The following LCORL variants were observed in gnomAD, a reference collection of about 807,000 sequenced individuals.
LCORL encodes the protein ligand-dependent nuclear receptor corepressor-like protein.
Under a neutral mutation model 141.8 loss-of-function variants are expected in LCORL, and 41 were observed. The ratio of observed to expected loss-of-function variants is 0.29; its 90% CI spans 0.23 to 0.38. LCORL has a LOEUF of 0.38. LCORL is among the 10% of genes least tolerant of loss of function. The pLI is 1.00. For synonymous variants in LCORL, 618 were observed against 694.1 expected (o/e 0.89, Z 1.72); for missense variants, 1,759 against 2,035.0 (o/e 0.86, Z 2.61).
chr4:17,962,704 CT>C (rs1362963292), intron 3 of LCORL, among the ~76,000 whole-genome samples: 3 of 151,694 alleles, frequency 2.0e-5, no homozygotes, highest in Non-Finnish European at 4.4e-5. Flanking sequence ...CTGAACTAAA[CT>C]TAATGAGTCA....
chr4:17,869,563 T>C (rs1482628341), intron 7 of LCORL, among the ~76,000 whole-genome samples: 1 of 152,164 alleles, frequency 6.6e-6, no homozygotes, highest in Non-Finnish European at 1.5e-5. Flanking sequence ...TCTCAACTAC[T>C]GTCATCTGTC....
At chr4:17,922,534 A>T (rs544791325) in intron 4 of LCORL, among the ~76,000 whole-genome samples, 21 of 152,294 alleles carry the variant, frequency 1.4e-4, no homozygotes, top group African/African-American at 5.1e-4. Flanking sequence ...GAACTCAGGG[A>T]TTCTATCTCC....
chr4:17,844,086 T>C (rs1722691398), exon 8 of LCORL: 1 of 151,984 alleles, frequency 6.6e-6, no homozygotes, highest in Admixed American at 6.6e-5. Context: ...CATAAATGTA[T>C]TATTAACCAT....
intron 1 of LCORL, among the ~76,000 whole-genome samples, chr4:18,005,508 C>A (rs1234565040): frequency 6.6e-6 from 1 of 152,244 alleles, no homozygotes; most frequent in Non-Finnish European, 1.5e-5. Context: ...TCCAACCCCA[C>A]ATTTCCCTTG....
At chr4:17,876,645 TACC>T (rs1726954808) in exon 7 of LCORL, 19 of 1,230,850 alleles carry the variant, frequency 1.5e-5, no homozygotes, top group Non-Finnish European at 1.8e-5. Flanking sequence ...ATATACAGAA[TACC>T]ACCCTGGAGG....
chr4:17,880,641 A>T, intron 6 of LCORL: 9 of 983,634 alleles, frequency 9.1e-6, no homozygotes, highest in Non-Finnish European at 1.1e-5. Flanking sequence ...TGAATGAGTA[A>T]ATCAATCACA....
At chr4:18,014,474 C>T (rs1242293788) in intron 1 of LCORL, among the ~76,000 whole-genome samples, 3 of 151,764 alleles carry the variant, frequency 2.0e-5, no homozygotes, top group Non-Finnish European at 4.4e-5. Flanking sequence ...TGTCCTAATG[C>T]TTACTGCATA....
chr4:17,865,268 A>T (rs1345656056), intron 7 of LCORL, among the ~76,000 whole-genome samples: 4 of 152,234 alleles, frequency 2.6e-5, no homozygotes, highest in Non-Finnish European at 5.9e-5. Flanking sequence ...CATCACAAAA[A>T]ATTCAAAAAG....
intron 4 of LCORL, among the ~76,000 whole-genome samples, chr4:17,915,097 C>T (rs1396675219): frequency 6.6e-6 from 1 of 152,080 alleles, no homozygotes; most frequent in Non-Finnish European, 1.5e-5. Context: ...TTCTCTTTCT[C>T]CCCTTCTGTT....
Position 17,895,291 on chromosome 4 carries a change from CCT to C in LCORL, c.683-9132_683-9131del, listed in dbSNP as rs1201175446. On this transcript the variant is annotated intron_variant, in intron 5 of 7. Transcript: ENST00000635767. ...ACCTAACTTTGTACCTGTTGATCAA[CCT>C]CTGTCCATTCCCCTCCCCACACCCT... Among the ~76,000 whole-genome samples, 7 of 152,090 alleles carry C rather than the reference CCT, an allele frequency of 4.6e-5. No individual in the cohort carries two copies. The South Asian group carries it at 1.0e-3, about 23-fold the overall frequency.
At chr4:17,910,612 T>A (rs1441026341) in intron 4 of LCORL, among the ~76,000 whole-genome samples, 1 of 152,162 alleles carries the variant, frequency 6.6e-6, no homozygotes, top group African/African-American at 2.4e-5. Flanking sequence ...CCAAACAGCA[T>A]CTATCATTAG....
chr4:17,928,893 A>C (rs895972970), intron 4 of LCORL, among the ~76,000 whole-genome samples: 1 of 152,134 alleles, frequency 6.6e-6, no homozygotes, highest in Non-Finnish European at 1.5e-5. Flanking sequence ...TATATACATA[A>C]ATTTCTAAGG....
rs138712626 is a variant in LCORL at position 17,974,052 on chromosome 4, C to T, written c.155-1167G>A. On this transcript the variant is annotated intron_variant, in intron 1 of 7. Transcript: ENST00000635767. ...AAAAGTGAATGAACTACCTACTACT[C>T]GAGCAAGCTATCATACTGGGTAGAG... 2.6e-4 allele frequency among the ~76,000 whole-genome samples: 40 copies of T among 152,062 alleles called. No homozygotes were observed. In the East Asian group the frequency reaches 7.1e-3, roughly 27 times the overall value.
intron 1 of LCORL, among the ~76,000 whole-genome samples, chr4:17,997,465 T>C (rs1721090154): frequency 6.6e-6 from 1 of 152,176 alleles, no homozygotes; most frequent in South Asian, 2.1e-4. Flanking sequence ...TTATGGCTGA[T>C]AAAGGGTTTA....
intron 4 of LCORL, among the ~76,000 whole-genome samples, chr4:17,917,939 CAAAAACAAAA>C (rs905680268): frequency 7.0e-6 from 1 of 143,134 alleles, no homozygotes; most frequent in African/African-American, 3.0e-5. Context: ...TACAGGTTAA[CAAAAACAAAA>C]CAAAACAAAA....
In LCORL at chr4:17,876,566, G is replaced by A. The variant is rs548461871; in HGVS notation, c.2424C>T (p.Asn808=). The change falls in exon 7 of 8, where the codon AAC becomes AAT. Residue 808 remains asparagine (N), a synonymous_variant. Coordinates refer to ENST00000635767, the Ensembl canonical transcript of LCORL. ...CAATGTGAATATTTTTCACTGGATCGTTTTTTGTTGTGGATTCGGATACTT... is the reference window on the plus strand; with the variant it reads ...CAATGTGAATATTTTTCACTGGATCATTTTTTGTTGTGGATTCGGATACTT... The A allele has an allele frequency of 1.2e-5, 15 of 1,230,594 alleles. No homozygotes were observed. In the African/African-American group the frequency reaches 1.4e-4, roughly 11 times the overall value. 76.2% of individuals were successfully genotyped at this position (1,230,594 alleles called of 1,614,324 possible).
In LCORL at chr4:17,989,134, T is replaced by C. The variant is rs186466774; in HGVS notation, c.155-16249A>G. 2.6e-3 allele frequency among the ~76,000 whole-genome samples: 402 copies of C among 152,360 alleles called. 3 individuals carry two copies. The highest frequency in any genetic ancestry group is 9.2e-3 in the African/African-American group (381 of 41,590). ...TCTTACACTTCTATACAAATACCTGTGGAAAACGACAATTGTAATTCCTCT... is the reference window on the plus strand; with the variant it reads ...TCTTACACTTCTATACAAATACCTGCGGAAAACGACAATTGTAATTCCTCT... On this transcript the variant is annotated intron_variant, in intron 1 of 7. Coordinates refer to ENST00000635767, the Ensembl canonical transcript of LCORL.
chr4:17,962,069 T>G, intron 3 of LCORL, 37 bp from the exon 4 acceptor site: 2 of 1,449,704 alleles, frequency 1.4e-6, no homozygotes, highest in Non-Finnish European at 1.9e-6. Context: ...ACAGAATTAT[T>G]TTTTAATTCA....
exon 7 of LCORL, chr4:17,875,310 G>C (rs1465925953): frequency 8.1e-7 from 1 of 1,231,212 alleles, no homozygotes; most frequent in Non-Finnish European, 1.0e-6. Context: ...GGAAGGCTGA[G>C]GTATCACAGA....
Sources: allele counts gnomAD v4.1 joint callset (sites outside exome capture counted in the v4.1 genomes callset), GRCh38; gene constraint gnomAD v4.1.1; transcripts MANE v1.5; gene names NCBI Gene and HGNC (gene_info 2026-07-23, HGNC 2026-07-21).